Variants in SNTG1 observed in about 807,000 individuals in gnomAD.
SNTG1 encodes the protein gamma-1-syntrophin.
SNTG1 carries 39 observed loss-of-function variants against 74.7 expected under a neutral mutation model. The observed-to-expected ratio is 0.52, with a 90% CI of 0.40 to 0.68. The LOEUF (loss-of-function observed/expected upper bound fraction) is 0.68. Ranked by LOEUF, SNTG1 falls within the 30% of genes least tolerant of loss-of-function variation. The probability of loss-of-function intolerance (pLI) is 0.00; values close to 1 mark genes in which losing one functional copy is unlikely to be tolerated. For missense variants in SNTG1, 685 were observed against 609.5 expected, an observed-to-expected ratio of 1.12 and a Z score of -1.30; for synonymous variants, 254 against 217.1, an observed-to-expected ratio of 1.17 and a Z score of -1.49.
chr8:50,712,395 A>G (rs2095464091), intron 17 of SNTG1, among the ~76,000 whole-genome samples: 1 of 152,228 alleles, frequency 6.6e-6, no homozygotes, highest in Non-Finnish European at 1.5e-5. Context: ...TGTGTGTTTG[A>G]GAATCGAAAA....
chr8:50,187,346 C>A (rs1179319880), intron 2 of SNTG1, among the ~76,000 whole-genome samples: 1 of 151,934 alleles, frequency 6.6e-6, no homozygotes, highest in Non-Finnish European at 1.5e-5. Flanking sequence ...AGAACAGAGA[C>A]CTCAGAAATA....
chr8:50,227,145 A>T (rs182876542), intron 2 of SNTG1, among the ~76,000 whole-genome samples: 17 of 152,280 alleles, frequency 1.1e-4, no homozygotes, highest in Non-Finnish European at 1.8e-4. Context: ...CTGGGGAGAC[A>T]GGCCAATTTG....
Position 50,214,199 on chromosome 8 carries a change from A to G in SNTG1, c.-28+41564A>G, listed in dbSNP as rs536535956. On this transcript the variant is annotated intron_variant, in intron 2 of 18. Coordinates refer to ENST00000642720, the MANE Select transcript of SNTG1 (RefSeq NM_018967.5). ...CGCATATTCTCACTCATAGGTGGGA[A>G]TTGAACAATGAGAACACATGGACAC... 4.6e-3 allele frequency among the ~76,000 whole-genome samples: 650 copies of G among 140,694 alleles called. 8 individuals carry two copies. Among genetic ancestry groups the G allele is most frequent in the African/African-American group, 0.016 (619 of 37,902 alleles). 92.3% of individuals were successfully genotyped at this position (140,694 alleles called of 152,430 possible).
Position 50,101,702 on chromosome 8 carries a change from TC to T in SNTG1, c.-102-70853del, listed in dbSNP as rs879757026. Among the ~76,000 whole-genome samples, 893 of 151,752 alleles carry T rather than the reference TC, an allele frequency of 5.9e-3. 1 individual carries two copies. Among genetic ancestry groups the T allele is most frequent in the Non-Finnish European group, 7.6e-3 (518 of 67,928 alleles). ...TAGGTATATCTCCTAATGCTATCCCTCCCCCCTCCTCCCACCCCACAACAGT... is the reference window on the plus strand; with the variant it reads ...TAGGTATATCTCCTAATGCTATCCCTCCCCCTCCTCCCACCCCACAACAGT... On this transcript the variant is annotated intron_variant, in intron 1 of 18. Coordinates refer to ENST00000642720, the MANE Select transcript of SNTG1 (RefSeq NM_018967.5).
At chr8:50,287,864 C>T (rs1016692589) in intron 2 of SNTG1, among the ~76,000 whole-genome samples, 3 of 152,096 alleles carry the variant, frequency 2.0e-5, no homozygotes, top group Admixed American at 2.0e-4. Flanking sequence ...CTTATGCTCA[C>T]GGCATTCCCA....
intron 15 of SNTG1, among the ~76,000 whole-genome samples, chr8:50,675,692 CTGTCATCATGA>C: frequency 6.6e-6 from 1 of 152,090 alleles, no homozygotes. Context: ...GAATTTGATC[CTGTCATCATGA>C]TGTTATCTGA....
intron 2 of SNTG1, among the ~76,000 whole-genome samples, chr8:50,387,121 A>C (rs2092587677): frequency 6.6e-6 from 1 of 152,204 alleles, no homozygotes; most frequent in Admixed American, 6.5e-5. Context: ...GAGTTAAGCT[A>C]CTCTGATTAC....
chr8:50,664,542 A>C (rs1210839799), intron 15 of SNTG1, among the ~76,000 whole-genome samples: 1 of 152,108 alleles, frequency 6.6e-6, no homozygotes, highest in Non-Finnish European at 1.5e-5. Context: ...CTCTTTGAAT[A>C]AAAAGGATTT....
chr8:50,657,650 G>A (rs747508396), intron 14 of SNTG1, among the ~76,000 whole-genome samples: 4 of 152,056 alleles, frequency 2.6e-5, no homozygotes, highest in African/African-American at 4.8e-5. Flanking sequence ...ATTTAAATTA[G>A]AGGATTCTAT....
intron 2 of SNTG1, among the ~76,000 whole-genome samples, chr8:50,325,847 A>G (rs1264601940): frequency 6.6e-6 from 1 of 152,054 alleles, no homozygotes; most frequent in Non-Finnish European, 1.5e-5. Flanking sequence ...GTTTTCTACC[A>G]TTATGTGTGA....
intron 1 of SNTG1, among the ~76,000 whole-genome samples, chr8:49,938,603 T>TTTTCTTTTTTTTTTTTTCTTTCTTTC: frequency 1.3e-5 from 1 of 74,754 alleles, no homozygotes; most frequent in Non-Finnish European, 2.7e-5. Context: ...TTTTCTTTTC[T>TTTTCTTTTTTTTTTTTTCTTTCTTTC]TTTCTTTCTT....
intron 2 of SNTG1, among the ~76,000 whole-genome samples, chr8:50,303,438 T>C (rs959236242): frequency 9.2e-5 from 14 of 151,984 alleles, no homozygotes; most frequent in African/African-American, 2.7e-4. Flanking sequence ...TATTCATAGA[T>C]ACTTAATATA....
intron 5 of SNTG1, among the ~76,000 whole-genome samples, chr8:50,449,359 TAAATA>T (rs1298010777): frequency 6.6e-6 from 1 of 152,226 alleles, no homozygotes; most frequent in Non-Finnish European, 1.5e-5. Flanking sequence ...TTTGGAATCC[TAAATA>T]AGAATTTCTA....
At chr8:50,100,692 T>C (rs561459313) in intron 1 of SNTG1, among the ~76,000 whole-genome samples, 5 of 152,274 alleles carry the variant, frequency 3.3e-5, no homozygotes, top group African/African-American at 4.8e-5. Flanking sequence ...TATCTAGATT[T>C]TTCTTCATAA....
At chr8:50,461,796 C>T (rs1390580813) in intron 8 of SNTG1, among the ~76,000 whole-genome samples, 4 of 152,010 alleles carry the variant, frequency 2.6e-5, no homozygotes, top group African/African-American at 9.7e-5. Context: ...GCTGATCTTG[C>T]ATATATTTCC....
intron 2 of SNTG1, among the ~76,000 whole-genome samples, chr8:50,241,687 G>A (rs2086169852): frequency 6.6e-6 from 1 of 152,150 alleles, no homozygotes; most frequent in Admixed American, 6.6e-5. Context: ...ATGTGAAGAG[G>A]AAGTTGCAAA....
At chr8:50,504,312 G>T (rs183204809) in intron 9 of SNTG1, among the ~76,000 whole-genome samples, 33 of 152,224 alleles carry the variant, frequency 2.2e-4, no homozygotes, top group Admixed American at 1.6e-3. Flanking sequence ...ACATACACAT[G>T]CATGCGTCTT....
chr8:50,423,169 T>C (rs1212657094), intron 4 of SNTG1, among the ~76,000 whole-genome samples: 3 of 152,216 alleles, frequency 2.0e-5, no homozygotes, highest in African/African-American at 7.2e-5. Context: ...TCTCTGACTA[T>C]AGTGGAATCA....
chr8:50,348,013 A>T (rs2091533296), intron 2 of SNTG1, among the ~76,000 whole-genome samples: 1 of 152,044 alleles, frequency 6.6e-6, no homozygotes, highest in Non-Finnish European at 1.5e-5. Context: ...TAAGGTTGAG[A>T]TCTATAGCCA....
Sources: gnomAD v4.1 joint callset for allele counts (sites outside exome capture counted in the v4.1 genomes callset) on GRCh38, gnomAD v4.1.1 for gene constraint, MANE v1.5 for transcripts, NCBI Gene and HGNC (gene_info 2026-07-23, HGNC 2026-07-21) for gene names.